DENND1A: variants seen among roughly 807,000 people sequenced by gnomAD.
The protein encoded by DENND1A is DENN domain containing 1A.
DENND1A carries 51 observed loss-of-function variants against 113.7 expected under a neutral mutation model. The ratio of observed to expected loss-of-function variants is 0.45; its 90% CI spans 0.36 to 0.57. DENND1A has a LOEUF of 0.57. Ranked by LOEUF, DENND1A falls within the 20% of genes least tolerant of loss-of-function variation. The pLI, the probability that DENND1A is intolerant of heterozygous loss-of-function variation, is 0.00. For missense variants in DENND1A, 1,258 were observed against 1,395.9 expected (o/e 0.90, Z 1.57); for synonymous variants, 565 against 570.8 (o/e 0.99, Z 0.14).
intron 1 of DENND1A, chr9:123,928,621 C>G: frequency 1.0e-6 from 1 of 985,428 alleles, no homozygotes; most frequent in South Asian, 4.7e-5. Context: ...TAGTTTCATT[C>G]AGCAGATGTC....
At chr9:123,473,909 A>G (rs942303205) in intron 13 of DENND1A, among the ~76,000 whole-genome samples, 1 of 146,592 alleles carries the variant, frequency 6.8e-6, no homozygotes, top group Non-Finnish European at 1.5e-5. Flanking sequence ...CTCTGCTGGT[A>G]TTGGCCATGG....
intron 2 of DENND1A, among the ~76,000 whole-genome samples, chr9:123,852,336 T>TGAG (rs763581811): frequency 6.6e-6 from 1 of 152,102 alleles, no homozygotes; most frequent in Non-Finnish European, 1.5e-5. Context: ...TTGGGGAGGC[T>TGAG]GAGGATACAC....
At chr9:123,656,030 C>A (rs1434937387) in intron 8 of DENND1A, among the ~76,000 whole-genome samples, 1 of 152,180 alleles carries the variant, frequency 6.6e-6, no homozygotes, top group South Asian at 2.1e-4. Flanking sequence ...TGCAACATAC[C>A]GTGGTTGAGG....
intron 9 of DENND1A, among the ~76,000 whole-genome samples, chr9:123,633,283 G>A (rs1186902278): frequency 6.6e-6 from 1 of 152,082 alleles, no homozygotes; most frequent in East Asian, 1.9e-4. Flanking sequence ...GGAAGATCCT[G>A]TCCTCACCTC....
intron 13 of DENND1A, among the ~76,000 whole-genome samples, chr9:123,507,586 C>T (rs769886545): frequency 4.6e-5 from 7 of 151,770 alleles, no homozygotes; most frequent in African/African-American, 1.5e-4. Context: ...CAGTGGCTCA[C>T]GCCTGTAATC....
At chr9:123,410,643 A>G (rs1309603464) in intron 20 of DENND1A, among the ~76,000 whole-genome samples, 1 of 152,150 alleles carries the variant, frequency 6.6e-6, no homozygotes, top group Non-Finnish European at 1.5e-5. Context: ...GAGAGCAGCT[A>G]CCCAGTGGAT....
chr9:123,728,489 A>AAAAAC (rs2067893928), intron 5 of DENND1A, among the ~76,000 whole-genome samples: 1 of 141,838 alleles, frequency 7.1e-6, no homozygotes, highest in African/African-American at 2.7e-5. Flanking sequence ...CAAAAAAAAA[A>AAAAAC]AAAAAAAAAA....
At chr9:123,399,689 AG>A (rs2043325417) in intron 21 of DENND1A, among the ~76,000 whole-genome samples, 1 of 152,210 alleles carries the variant, frequency 6.6e-6, no homozygotes, top group Admixed American at 6.5e-5. Context: ...CCAGAGAGGA[AG>A]GGTGGCCTGC....
intron 5 of DENND1A, among the ~76,000 whole-genome samples, chr9:123,686,990 A>T (rs2064850598): frequency 6.6e-6 from 1 of 152,054 alleles, no homozygotes; most frequent in Non-Finnish European, 1.5e-5. Flanking sequence ...TCTTAAACCC[A>T]TTTACGCTCT....
At chr9:123,409,282 T>C (rs887403083) in intron 20 of DENND1A, among the ~76,000 whole-genome samples, 20 of 151,958 alleles carry the variant, frequency 1.3e-4, no homozygotes, top group African/African-American at 3.6e-4. Context: ...ATTTTTTTCT[T>C]GACTGAATTT....
intron 1 of DENND1A, among the ~76,000 whole-genome samples, chr9:123,895,466 T>C (rs1850589475): frequency 1.3e-5 from 2 of 151,254 alleles, no homozygotes; most frequent in Non-Finnish European, 3.0e-5. Context: ...ACTAAAAATA[T>C]AAAAAATTAG....
rs60092060 is a variant in DENND1A at position 123,710,560 on chromosome 9, C to CACACACACACACACACACACACACACAT, written c.303-33772_303-33771insATGTGTGTGTGTGTGTGTGTGTGTGTGT. On this transcript the variant is annotated intron_variant, in intron 5 of 23. Transcript: ENST00000394215. ...ACACACACACACACACACACACACA[C>CACACACACACACACACACACACACACAT]TGGCATCATACAAATTTGCTTTGAG... Among the ~76,000 whole-genome samples, 1,315 of 148,922 alleles carry CACACACACACACACACACACACACACAT rather than the reference C, an allele frequency of 8.8e-3. 44 individuals carry two copies. The highest frequency in any genetic ancestry group is 0.018 in the Admixed American group (269 of 15,070).
At chr9:123,503,859 C>T (rs1331358505) in intron 13 of DENND1A, among the ~76,000 whole-genome samples, 1 of 152,178 alleles carries the variant, frequency 6.6e-6, no homozygotes, top group Non-Finnish European at 1.5e-5. Context: ...TGGGTTAAGC[C>T]AAGTTCAGTC....
chr9:123,773,601 G>T (rs774857254), intron 3 of DENND1A, among the ~76,000 whole-genome samples: 2 of 152,182 alleles, frequency 1.3e-5, no homozygotes, highest in Non-Finnish European at 2.9e-5. Flanking sequence ...TGACCTTGGG[G>T]TGCTAGGTAG....
intron 13 of DENND1A, among the ~76,000 whole-genome samples, chr9:123,473,988 T>TTC: frequency 4.0e-3 from 2 of 502 alleles, no homozygotes; most frequent in African/African-American, 0.012. Context: ...CTTTCTTTCT[T>TTC]TTTTTTTTTT....
At chr9:123,410,190 G>A (rs1446024181) in intron 20 of DENND1A, among the ~76,000 whole-genome samples, 2 of 152,210 alleles carry the variant, frequency 1.3e-5, no homozygotes, top group Non-Finnish European at 2.9e-5. Flanking sequence ...CTAGGAATGA[G>A]GGCACAGCCC....
intron 1 of DENND1A, among the ~76,000 whole-genome samples, chr9:123,895,889 T>C (rs927107001): frequency 6.6e-6 from 1 of 152,006 alleles, no homozygotes; most frequent in Non-Finnish European, 1.5e-5. Context: ...AAGAAACCCA[T>C]CCACACACAT....
chr9:123,541,384 TAATC>T (rs1318916724), intron 13 of DENND1A, among the ~76,000 whole-genome samples: 2 of 152,204 alleles, frequency 1.3e-5, no homozygotes, highest in Admixed American at 1.3e-4. Flanking sequence ...AGGATAAAAC[TAATC>T]AACCCGGGAT....
At chr9:123,452,426 C>A in intron 16 of DENND1A, 79 bp from the exon 17 acceptor site, 1 of 1,147,964 alleles carries the variant, frequency 8.7e-7, no homozygotes. Flanking sequence ...TCTCTTCAAT[C>A]GAGTTAAGCA....
Sources: gnomAD v4.1 joint callset for allele counts (sites outside exome capture counted in the v4.1 genomes callset) on GRCh38, gnomAD v4.1.1 for gene constraint, MANE v1.5 for transcripts, NCBI Gene and HGNC (gene_info 2026-07-23, HGNC 2026-07-21) for gene names.